The following ABCA9 variants were observed in gnomAD, a reference collection of about 807,000 sequenced individuals.
ABCA9 encodes the protein ATP binding cassette subfamily A member 9, also known as ATP-binding cassette sub-family A member 9.
In ABCA9, 183 loss-of-function variants were observed where a neutral mutation model predicts 205.3. That is an observed-to-expected ratio of 0.89 (90% CI 0.79 to 1.01). The LOEUF is 1.01. Among genes scored for constraint, ABCA9 ranks in the 50% least tolerant of loss-of-function variants. ABCA9 has a pLI of 0.00. For missense variants in ABCA9, 1,805 were observed against 1,912.4 expected, an observed-to-expected ratio of 0.94 and a Z score of 1.05; for synonymous variants, 651 against 683.3, an observed-to-expected ratio of 0.95 and a Z score of 0.74.
At position 69,022,455 on chromosome 17, in the gene ABCA9, G is replaced by C. The variant is rs561274976; in HGVS notation, c.2282-594C>G. 984 of 152,092 alleles carry C rather than the reference G, an allele frequency of 6.5e-3. 6 individuals carry two copies. Among genetic ancestry groups the C allele is most frequent in the Admixed American group, 0.013 (193 of 15,260 alleles). The allele number at this position is 152,092 out of a possible 1,614,324, so 9.4% of individuals were successfully genotyped here. On this transcript the variant is annotated intron_variant, in intron 17 of 38. Transcript: ENST00000340001. ...TCCTCCTGCTTCAGCCTCCCGAGTA[G>C]CTGGGATTACAGGTGCACAACACCA...
chr17:69,027,605 T>C (rs752800418), intron 13 of ABCA9, 35 bp downstream of exon 13: 6 of 1,596,358 alleles, frequency 3.8e-6, no homozygotes, highest in South Asian at 2.3e-5. Context: ...CCGTCTCTTT[T>C]TTATGGCTAT....
rs1442945846 is a variant in ABCA9 at position 69,023,978 on chromosome 17, C to A, written c.2281+236G>T. ...GCTGCTAGCCTACGCCTCTTAATTG[C>A]ACTTAATTGACTTGAAGCATATTTA... On this transcript the variant is annotated intron_variant, in intron 17 of 38. Transcript: ENST00000340001. This position sits in a 1 kb window ranked among gnomAD's most constrained non-coding sequence, Gnocchi z 4.2. Among the ~76,000 whole-genome samples the A allele has an allele frequency of 6.7e-6, 1 of 150,288 alleles. No individual in the cohort carries two copies. Among genetic ancestry groups the A allele is most frequent in the African/African-American group, 2.5e-5 (1 of 39,732 alleles).
chr17:68,992,813 CA>C (rs151237505), intron 27 of ABCA9: 6,407 of 291,814 alleles, frequency 0.022, 1 homozygote, highest in East Asian at 0.048. Flanking sequence ...AACTCTGTCT[CA>C]AAAAAAAAAA....
At chr17:68,997,183 G>A (rs1017422707) in intron 25 of ABCA9, among the ~76,000 whole-genome samples, 6 of 152,286 alleles carry the variant, frequency 3.9e-5, no homozygotes, top group African/African-American at 1.2e-4. Context: ...CACCCACCTC[G>A]GCCTCCCAAA....
At chr17:68,984,735 G>T in intron 34 of ABCA9, 150 bp downstream of exon 34, 1 of 1,041,574 alleles carries the variant, frequency 9.6e-7, no homozygotes, top group South Asian at 1.7e-5. Context: ...ATAAAAGCTG[G>T]TTGTGATTTG....
At chr17:68,984,842 G>A (rs980032657) in intron 34 of ABCA9, 43 bp downstream of exon 34, 3 of 1,612,574 alleles carry the variant, frequency 1.9e-6, no homozygotes, top group Non-Finnish European at 2.5e-6. Context: ...GTTTTCACAG[G>A]ATCAATACAC....
chr17:68,991,202 G>A (rs1426680090), intron 28 of ABCA9, among the ~76,000 whole-genome samples: 8 of 152,118 alleles, frequency 5.3e-5, no homozygotes. Context: ...GATGGTGACA[G>A]TTTTCTTTCA....
chr17:69,050,543 T>G (rs2071871183), intron 2 of ABCA9, among the ~76,000 whole-genome samples: 1 of 152,160 alleles, frequency 6.6e-6, no homozygotes, highest in Non-Finnish European at 1.5e-5. Flanking sequence ...ATCACAATAC[T>G]ATTTTCCCAT....
chr17:68,993,198 A>AG, intron 26 of ABCA9, 114 bp from the exon 27 acceptor site: 1 of 805,022 alleles, frequency 1.2e-6, no homozygotes, highest in South Asian at 1.6e-5. Context: ...ATTCGACCTG[A>AG]TGCTCCCTTG....
Position 69,017,765 on chromosome 17 carries a change from T to C in ABCA9, c.2792A>G (p.His931Arg). The stretch of plus-strand genomic sequence containing the variant: ...AGCTATGTTCTGTCGCCTCAGTGAA[T>C]GTAAAAAGTTATCAATGGTTGACCC... The part of the protein sequence containing the change: ...KTGSTIDNFL[H>R]SLRRQNIAIE... The change falls in exon 21 of 39, where the codon CAT (histidine) becomes CGT (arginine). Residue 931 changes from histidine to arginine, a missense_variant. Physicochemically the swap from His to Arg is conservative, Grantham distance 29. Transcript: ENST00000340001. The C allele has an allele frequency of 1.2e-6, 2 of 1,613,196 alleles. No individual in the cohort carries two copies. The highest frequency in any genetic ancestry group is 1.7e-6 in the Non-Finnish European group (2 of 1,179,376).
Position 69,035,701 on chromosome 17 carries a change from C to T in ABCA9, c.901G>A (p.Val301Met). The change falls in exon 7 of 39, where the codon GTG (valine) becomes ATG (methionine). Residue 301 changes from valine to methionine, a missense_variant. Physicochemically the swap from Val to Met is conservative, Grantham distance 21 (BLOSUM62 1). Coordinates refer to ENST00000340001, the MANE Select transcript of ABCA9 (RefSeq NM_080283.4). The stretch of plus-strand genomic sequence containing the variant: ...AGGAGAAAGAGGGTGAAGACCATCA[C>T]AAAACCAGTCAGGACGACAATTTGT... ...SAQIVVLTGF[V>M]MVFTLFLLYG... 6.2e-7 allele frequency: 1 copy of T among 1,613,548 alleles called. No homozygotes were observed. Among genetic ancestry groups the T allele is most frequent in the Non-Finnish European group, 8.5e-7 (1 of 1,179,770 alleles).
At chr17:68,979,494 G>T (rs1287127159) in intron 37 of ABCA9, among the ~76,000 whole-genome samples, 1 of 150,822 alleles carries the variant, frequency 6.6e-6, no homozygotes, top group Non-Finnish European at 1.5e-5. Flanking sequence ...TAGTCCAAAA[G>T]AACAAAACTG....
In ABCA9 at chr17:68,984,102, C is replaced by T; in HGVS notation, c.4453G>A (p.Glu1485Lys). The T allele has an allele frequency of 6.2e-7, 1 of 1,614,196 alleles. No homozygotes were observed. The highest frequency in any genetic ancestry group is 2.2e-5 in the East Asian group (1 of 44,874). The change falls in exon 35 of 39, where the codon GAG becomes AAG. Residue 1485 changes from glutamate (E) to lysine (K), a missense_variant. Glu to Lys is a moderately conservative substitution (Grantham distance 56, BLOSUM62 1). Transcript: ENST00000340001. ...ATGGCCACTCGGTCACACACCGCCT[C>T]AGCCTCTGCCATGTAGTGGGTGGTC... ...LLTTHYMAEA[E>K]AVCDRVAIMV...
In ABCA9 at chr17:68,980,796, GGAGATATACCTAATGTTAAAT is replaced by G. The variant is rs2069027425; in HGVS notation, c.4720+1745_4720+1765del. 2.0e-5 allele frequency among the ~76,000 whole-genome samples: 3 copies of G among 150,412 alleles called. No homozygotes were observed. The East Asian group carries it at 5.9e-4, about 29-fold the overall frequency. ...GGGGGAGGGGAGAGGGATAGAATTA[GGAGATATACCTAATGTTAAAT>G]GACGAGTTACTGGGTGCAGCACACC... On this transcript the variant is annotated intron_variant, in intron 37 of 38. Transcript: ENST00000340001.
At chr17:68,987,760 TTG>T (rs1491251039) in intron 31 of ABCA9, among the ~76,000 whole-genome samples, 6,995 of 89,594 alleles carry the variant, frequency 0.078, 432 homozygotes, top group African/African-American at 0.14. Context: ...GTTTGTTTGT[TTG>T]TTTGTTTTTT....
At chr17:68,982,348 A>G (rs1045882263) in intron 37 of ABCA9, among the ~76,000 whole-genome samples, 5 of 152,152 alleles carry the variant, frequency 3.3e-5, no homozygotes, top group Admixed American at 6.6e-5. Context: ...AACCACTTGC[A>G]TCCAACCTCT....
At chr17:69,047,937 AC>A (rs2071774602) in intron 3 of ABCA9, among the ~76,000 whole-genome samples, 1 of 151,976 alleles carries the variant, frequency 6.6e-6, no homozygotes, top group Non-Finnish European at 1.5e-5. Flanking sequence ...CTCCTGTTCC[AC>A]CCATATGGTC....
intron 8 of ABCA9, chr17:69,034,556 T>C (rs2071271161): frequency 1.3e-5 from 2 of 152,172 alleles, no homozygotes; most frequent in African/African-American, 4.8e-5. Context: ...CATTTTCCAT[T>C]GTATGGATGG....
the ABCA9 span, among the ~76,000 whole-genome samples, chr17:69,071,229 G>GCTTGA: frequency 3.7e-3 from 564 of 152,356 alleles, 7 homozygotes; most frequent in African/African-American, 0.013. Context: ...TCAGTACAGT[G>GCTTGA]CTTGAGCTCT....
Sources: gnomAD v4.1 joint callset for allele counts (sites outside exome capture counted in the v4.1 genomes callset) on GRCh38, gnomAD v4.1.1 for gene constraint, Gnocchi (gnomAD v3.1) non-coding constraint, MANE v1.5 for transcripts, NCBI Gene and HGNC (gene_info 2026-07-23, HGNC 2026-07-21) for gene names.